The following ROCK2 variants were observed in gnomAD, a reference collection of about 807,000 sequenced individuals.
ROCK2 encodes the protein Rho associated coiled-coil containing protein kinase 2.
ROCK2 carries 61 observed loss-of-function variants against 195.1 expected under a neutral mutation model. The observed-to-expected ratio is 0.31, with a 90% CI of 0.25 to 0.39. ROCK2 has a LOEUF of 0.39. ROCK2 is among the 10% of genes least tolerant of loss of function. The pLI is 1.00. For synonymous variants in ROCK2, 504 were observed against 545.5 expected (o/e 0.92, Z 1.06); for missense variants, 1,109 against 1,637.4 (o/e 0.68, Z 5.57).
intron 3 of ROCK2, among the ~76,000 whole-genome samples, chr2:11,275,530 A>G (rs1276889269): frequency 2.0e-5 from 3 of 152,188 alleles, no homozygotes; most frequent in Non-Finnish European, 4.4e-5. Flanking sequence ...GCAGTATATT[A>G]AAAGGTTTCC....
At chr2:11,208,599 T>C in intron 18 of ROCK2, 152 bp from the exon 19 acceptor site, 2 of 391,890 alleles carry the variant, frequency 5.1e-6, no homozygotes, top group Non-Finnish European at 4.2e-6. Flanking sequence ...TTTTTTTCTT[T>C]TCTTTTTTTT....
chr2:11,295,661 C>G (rs1172706527), intron 1 of ROCK2, among the ~76,000 whole-genome samples: 2 of 151,996 alleles, frequency 1.3e-5, no homozygotes, highest in African/African-American at 2.4e-5. Context: ...GAAGACCAGA[C>G]TACCTTAAGA....
At chr2:11,343,949 TGAG>T in intron 1 of ROCK2, 44 bp downstream of exon 1, 1 of 1,569,254 alleles carries the variant, frequency 6.4e-7, no homozygotes, top group Non-Finnish European at 8.6e-7. Context: ...AGAGGGGATC[TGAG>T]GTGTGAGCTG....
At chr2:11,231,534 T>C (rs1203522442) in intron 5 of ROCK2, among the ~76,000 whole-genome samples, 1 of 152,108 alleles carries the variant, frequency 6.6e-6, no homozygotes, top group African/African-American at 2.4e-5. Flanking sequence ...AATACTAACA[T>C]ATAAAGTGGT....
chr2:11,307,720 T>C (rs1208657086), intron 1 of ROCK2, among the ~76,000 whole-genome samples: 1 of 152,202 alleles, frequency 6.6e-6, no homozygotes, highest in African/African-American at 2.4e-5. Context: ...CAGCCCTCCA[T>C]ATCCACGGTT....
At chr2:11,189,070 TA>T (rs1239968272) in intron 32 of ROCK2, among the ~76,000 whole-genome samples, 1 of 151,932 alleles carries the variant, frequency 6.6e-6, no homozygotes, top group Non-Finnish European at 1.5e-5. Flanking sequence ...GAAAAAGATG[TA>T]ATGATGTAAT....
chr2:11,220,187 T>G (rs967363033), intron 9 of ROCK2, among the ~76,000 whole-genome samples: 43 of 152,196 alleles, frequency 2.8e-4, no homozygotes, highest in African/African-American at 1.0e-3. Flanking sequence ...CCAGCTAATT[T>G]TGTATTTTTT....
intron 5 of ROCK2, among the ~76,000 whole-genome samples, chr2:11,234,838 A>T (rs1467678435): frequency 1.3e-5 from 2 of 152,142 alleles, no homozygotes; most frequent in Admixed American, 6.5e-5. Flanking sequence ...ATAAAAGTGA[A>T]TGTCATACAG....
intron 3 of ROCK2, among the ~76,000 whole-genome samples, chr2:11,279,366 A>G (rs1265183882): frequency 6.6e-6 from 1 of 152,252 alleles, no homozygotes; most frequent in African/African-American, 2.4e-5. Context: ...ATCAAAAGAA[A>G]GCAGAAGTAG....
intron 19 of ROCK2, 142 bp from the exon 20 acceptor site, chr2:11,208,052 G>A (rs1030005715): frequency 4.2e-6 from 2 of 472,214 alleles, no homozygotes; most frequent in Non-Finnish European, 6.7e-6. Context: ...AATTTTTTTT[G>A]TATTTCTAAT....
In ROCK2 at chr2:11,201,783, A is replaced by G. The variant is rs1240047184; in HGVS notation, c.2619+269T>C. 6.6e-6 allele frequency among the ~76,000 whole-genome samples: 1 copy of G among 152,260 alleles called. No homozygotes were observed. Among genetic ancestry groups the G allele is most frequent in the Non-Finnish European group, 1.5e-5 (1 of 68,040 alleles). On this transcript the variant is annotated intron_variant, in intron 21 of 32. Coordinates refer to ENST00000315872, the MANE Select transcript of ROCK2 (RefSeq NM_004850.5). The surrounding 1 kb of genome is among the most constrained non-coding windows in gnomAD (Gnocchi z 4.6). ...TCATATTTTTAAAACTGATCTCAAAAAAAGCACAACTATTAAAATGATAAT... is the reference window on the plus strand; with the variant it reads ...TCATATTTTTAAAACTGATCTCAAAGAAAGCACAACTATTAAAATGATAAT...
chr2:11,193,818 C>T lies in ROCK2; in HGVS notation c.3648G>A (p.Val1216=), dbSNP rs1422327608. Residue 1216 remains valine (V), a synonymous_variant, in exon 30 of 33, where the codon GTG becomes GTA. Coordinates refer to ENST00000315872, the MANE Select transcript of ROCK2 (RefSeq NM_004850.5). The part of the protein sequence containing the change: ...FHVRPVTQTD[V]YRADAKEIPR... ...GAATTTCTTTAGCATCTGCTCTATACACATCTGTCTGTGTAACTGGTCGGA... is the reference window on the plus strand; with the variant it reads ...GAATTTCTTTAGCATCTGCTCTATATACATCTGTCTGTGTAACTGGTCGGA... 5 of 1,604,298 alleles carry T rather than the reference C, an allele frequency of 3.1e-6. No individual in the cohort carries two copies. Among genetic ancestry groups the T allele is most frequent in the Non-Finnish European group, 4.3e-6 (5 of 1,174,562 alleles).
chr2:11,327,274 C>T (rs562419247), intron 1 of ROCK2, among the ~76,000 whole-genome samples: 3 of 152,262 alleles, frequency 2.0e-5, no homozygotes, highest in African/African-American at 7.2e-5. Flanking sequence ...TGTCAAGGAA[C>T]TACAGATCTC....
chr2:11,202,494 A>ATT (rs1663895030), intron 20 of ROCK2, among the ~76,000 whole-genome samples: 2 of 150,018 alleles, frequency 1.3e-5, no homozygotes, highest in African/African-American at 2.4e-5. Flanking sequence ...TAATAATAAT[A>ATT]ATTATTATTA....
chr2:11,290,362 G>T (rs1667322872), intron 1 of ROCK2, among the ~76,000 whole-genome samples: 4 of 152,122 alleles, frequency 2.6e-5, no homozygotes, highest in Admixed American at 2.0e-4. Flanking sequence ...TACTCGGGAA[G>T]CTGAAGTGGG....
chr2:11,263,385 CATTA>C (rs1215079834), intron 3 of ROCK2, among the ~76,000 whole-genome samples: 1 of 152,120 alleles, frequency 6.6e-6, no homozygotes, highest in African/African-American at 2.4e-5. Flanking sequence ...CACACACACA[CATTA>C]GTTACCAATG....
At chr2:11,251,804 A>C (rs1255079852) in intron 3 of ROCK2, among the ~76,000 whole-genome samples, 3 of 152,214 alleles carry the variant, frequency 2.0e-5, no homozygotes, top group Non-Finnish European at 4.4e-5. Flanking sequence ...AAGGAACTTA[A>C]ACAAATTTAC....
In ROCK2 at chr2:11,340,006, A is replaced by T. The variant is rs57401515; in HGVS notation, c.141+3990T>A. 4.4e-3 allele frequency among the ~76,000 whole-genome samples: 670 copies of T among 152,346 alleles called. 5 individuals carry two copies. Among genetic ancestry groups the T allele is most frequent in the African/African-American group, 0.015 (626 of 41,582 alleles). ...GGAAAAAGAGGGCTATCTGATCAAGACTTGGGAAATAAAAAACAAAAAAGT... is the reference window on the plus strand; with the variant it reads ...GGAAAAAGAGGGCTATCTGATCAAGTCTTGGGAAATAAAAAACAAAAAAGT... On this transcript the variant is annotated intron_variant, in intron 1 of 32. Transcript: ENST00000315872.
At chr2:11,213,970 AGACTCTAGAAATCATCCCTTTCTTAGAG>A (rs1664337077) in intron 17 of ROCK2, among the ~76,000 whole-genome samples, 1 of 152,262 alleles carries the variant, frequency 6.6e-6, no homozygotes, top group African/African-American at 2.4e-5. Context: ...CTAACTGCAT[AGACTCTAGAAATCATCCCTTTCTTAGAG>A]TATTTTAAAA....
Sources: gnomAD v4.1 joint callset for allele counts (sites outside exome capture counted in the v4.1 genomes callset) on GRCh38, gnomAD v4.1.1 for gene constraint, Gnocchi (gnomAD v3.1) non-coding constraint, MANE v1.5 for transcripts, NCBI Gene and HGNC (gene_info 2026-07-23, HGNC 2026-07-21) for gene names.